The following CNTN5 variants were observed in gnomAD, a reference collection of about 807,000 sequenced individuals.
The protein encoded by CNTN5 is contactin-5.
In CNTN5, 77 loss-of-function variants were observed where a neutral mutation model predicts 129.1. The observed-to-expected ratio is 0.60, with a 90% CI of 0.50 to 0.72. The LOEUF (loss-of-function observed/expected upper bound fraction) is 0.72, where lower values mean the gene tolerates loss of function less well. Ranked by LOEUF, CNTN5 falls within the 30% of genes least tolerant of loss-of-function variation. CNTN5 has a pLI of 0.00. For synonymous variants in CNTN5, 509 were observed against 465.6 expected (o/e 1.09, Z -1.20); for missense variants, 1,478 against 1,328.8 (o/e 1.11, Z -1.75).
intron 3 of CNTN5, among the ~76,000 whole-genome samples, chr11:99,560,586 C>T (rs1161140143): frequency 8.5e-5 from 13 of 152,092 alleles, no homozygotes; most frequent in African/African-American, 3.1e-4. Context: ...CCACCGCGCC[C>T]AGCCTGTATT....
At chr11:100,161,896 A>G (rs571701604) in intron 13 of CNTN5, among the ~76,000 whole-genome samples, 9 of 150,386 alleles carry the variant, frequency 6.0e-5, no homozygotes, top group Admixed American at 6.0e-4. Flanking sequence ...AAAAACAAAA[A>G]ACACACCTAA....
chr11:99,774,650 T>A (rs1945061506), intron 3 of CNTN5, among the ~76,000 whole-genome samples: 1 of 152,008 alleles, frequency 6.6e-6, no homozygotes, highest in South Asian at 2.1e-4. Flanking sequence ...GTTCTCGGGC[T>A]CATCGTTTTT....
chr11:100,326,934 A>C (rs1013672645), intron 21 of CNTN5, among the ~76,000 whole-genome samples: 2 of 152,230 alleles, frequency 1.3e-5, no homozygotes, highest in African/African-American at 4.8e-5. Context: ...TGAACGTTTG[A>C]GGCCCATTTT....
At chr11:99,750,946 T>C (rs563512360) in intron 3 of CNTN5, among the ~76,000 whole-genome samples, 1 of 152,336 alleles carries the variant, frequency 6.6e-6, no homozygotes, top group East Asian at 1.9e-4. Context: ...GCTTTAAAGC[T>C]AATATAGGCA....
At chr11:100,255,458 T>A (rs1950046852) in intron 16 of CNTN5, among the ~76,000 whole-genome samples, 1 of 152,200 alleles carries the variant, frequency 6.6e-6, no homozygotes, top group South Asian at 2.1e-4. Context: ...CATTTGATAC[T>A]GGCATTCACA....
intron 1 of CNTN5, among the ~76,000 whole-genome samples, chr11:99,171,692 GA>G (rs1028930626): frequency 2.6e-5 from 4 of 152,064 alleles, no homozygotes; most frequent in African/African-American, 9.7e-5. Flanking sequence ...ATGCATTTAA[GA>G]AAAAAACTCT....
At chr11:99,065,195 C>T (rs767883794) in intron 1 of CNTN5, among the ~76,000 whole-genome samples, 1 of 151,894 alleles carries the variant, frequency 6.6e-6, no homozygotes, top group Non-Finnish European at 1.5e-5. Flanking sequence ...AATATAATTG[C>T]AAAGTAGGAT....
chr11:99,101,886 T>G (rs908402661), intron 1 of CNTN5, among the ~76,000 whole-genome samples: 5 of 152,208 alleles, frequency 3.3e-5, no homozygotes, highest in Non-Finnish European at 7.3e-5. Flanking sequence ...CAGTAGGGAC[T>G]CTGTGTGGGG....
At chr11:99,428,811 T>C (rs991320803) in intron 2 of CNTN5, among the ~76,000 whole-genome samples, 4 of 152,118 alleles carry the variant, frequency 2.6e-5, no homozygotes, top group Admixed American at 2.6e-4. Flanking sequence ...AAAGTTATTT[T>C]CCTGTTAACA....
chr11:99,883,616 C>A (rs1416414090), intron 6 of CNTN5, among the ~76,000 whole-genome samples: 2 of 152,150 alleles, frequency 1.3e-5, no homozygotes, highest in African/African-American at 4.8e-5. Flanking sequence ...CAAAACAAAA[C>A]AGTGAAAACA....
chr11:99,100,682 A>G (rs1016091926), intron 1 of CNTN5, among the ~76,000 whole-genome samples: 4 of 152,192 alleles, frequency 2.6e-5, no homozygotes, highest in African/African-American at 9.6e-5. Context: ...AATATGTTGA[A>G]CAAAGGCTAT....
At chr11:99,233,945 C>CAAAT (rs144108946) in intron 1 of CNTN5, among the ~76,000 whole-genome samples, 28,541 of 150,642 alleles carry the variant, frequency 0.19, 2,744 homozygotes, top group Middle Eastern at 0.25. Flanking sequence ...GACTCCATCT[C>CAAAT]AAATAAATAA....
intron 1 of CNTN5, among the ~76,000 whole-genome samples, chr11:99,129,329 T>A (rs1329696284): frequency 1.3e-5 from 2 of 152,120 alleles, no homozygotes; most frequent in East Asian, 3.9e-4. Context: ...AATAGCTGAA[T>A]TGACCAGGCA....
At chr11:100,063,558 C>T (rs938433901) in intron 10 of CNTN5, among the ~76,000 whole-genome samples, 24 of 151,884 alleles carry the variant, frequency 1.6e-4, no homozygotes, top group Non-Finnish European at 2.6e-4. Flanking sequence ...TTGCTTTGCC[C>T]TAGAAAATCC....
intron 2 of CNTN5, among the ~76,000 whole-genome samples, chr11:99,443,582 A>G (rs527778848): frequency 6.6e-6 from 1 of 152,328 alleles, no homozygotes; most frequent in African/African-American, 2.4e-5. Flanking sequence ...GAATTCATAA[A>G]TATTTAATAG....
At chr11:100,174,640 G>C (rs1947910287) in intron 13 of CNTN5, among the ~76,000 whole-genome samples, 1 of 152,078 alleles carries the variant, frequency 6.6e-6, no homozygotes, top group African/African-American at 2.4e-5. Flanking sequence ...AGACAAGTCT[G>C]TTTCTCCATT....
intron 2 of CNTN5, among the ~76,000 whole-genome samples, chr11:99,412,830 G>T (rs1427113874): frequency 6.6e-6 from 1 of 152,062 alleles, no homozygotes; most frequent in African/African-American, 2.4e-5. Flanking sequence ...TATTTTTGTT[G>T]CCCTTTTCTG....
intron 1 of CNTN5, among the ~76,000 whole-genome samples, chr11:99,227,853 G>A (rs1203389998): frequency 1.3e-5 from 2 of 152,016 alleles, no homozygotes; most frequent in Non-Finnish European, 2.9e-5. Flanking sequence ...TTTTTATTTA[G>A]CTTATAGATT....
At chr11:100,012,107 C>G (rs1940567044) in intron 9 of CNTN5, among the ~76,000 whole-genome samples, 3 of 152,142 alleles carry the variant, frequency 2.0e-5, no homozygotes, top group Non-Finnish European at 2.9e-5. Context: ...GGATAGGAGT[C>G]AGTCTCTGGG....
Sources: gnomAD v4.1 joint callset for allele counts (sites outside exome capture counted in the v4.1 genomes callset) on GRCh38, gnomAD v4.1.1 for gene constraint, MANE v1.5 for transcripts, NCBI Gene and HGNC (gene_info 2026-07-23, HGNC 2026-07-21) for gene names.